Variants in NCOA2 observed in about 807,000 individuals in gnomAD.
The protein encoded by NCOA2 is nuclear receptor coactivator 2, also known as class E basic helix-loop-helix protein 75.
NCOA2 carries 21 observed loss-of-function variants against 145.1 expected under a neutral mutation model. The ratio of observed to expected loss-of-function variants is 0.14; its 90% CI spans 0.10 to 0.21. The LOEUF is 0.21. NCOA2 is among the 10% of genes least tolerant of loss of function. NCOA2 has a pLI of 1.00. For missense variants in NCOA2, 1,472 were observed against 1,837.6 expected, an observed-to-expected ratio of 0.80 and a Z score of 3.64; for synonymous variants, 619 against 637.5, an observed-to-expected ratio of 0.97 and a Z score of 0.44.
the NCOA2 span, among the ~76,000 whole-genome samples, chr8:70,410,792 AAGT>A: frequency 2.6e-5 from 4 of 152,212 alleles, no homozygotes; most frequent in Non-Finnish European, 4.4e-5. Context: ...TGCTAAGCAA[AAGT>A]AGTCGTACGG....
At chr8:70,424,733 T>C in the NCOA2 span, among the ~76,000 whole-genome samples, 1 of 152,228 alleles carries the variant, frequency 6.6e-6, no homozygotes, top group Non-Finnish European at 1.5e-5. Flanking sequence ...CCACAGACAA[T>C]GTGAAACAAT....
chr8:70,156,874 A>G lies in NCOA2; in HGVS notation c.1491T>C (p.Ala497=). ...SPRHRMSPGV[A]GSPRIPPSQF... ...GACTGGGTGGGATTCGAGGGCTGCC[A>G]GCCACTCCAGGGCTCATGCGATGCC... The change falls in exon 11 of 23, where the codon GCT becomes GCC. Residue 497 remains alanine, a synonymous_variant. Coordinates refer to ENST00000452400, the MANE Select transcript of NCOA2 (RefSeq NM_006540.4). 1 of 1,614,016 alleles carries G rather than the reference A, an allele frequency of 6.2e-7. No individual in the cohort carries two copies. Among genetic ancestry groups the G allele is most frequent in the Non-Finnish European group, 8.5e-7 (1 of 1,179,886 alleles).
chr8:70,300,629 G>A (rs1237756580), intron 1 of NCOA2, among the ~76,000 whole-genome samples: 1 of 152,196 alleles, frequency 6.6e-6, no homozygotes, highest in Admixed American at 6.5e-5. Flanking sequence ...GAGAACTGAA[G>A]AAGATATGCT....
chr8:70,413,678 C>T, the NCOA2 span, among the ~76,000 whole-genome samples: 1 of 152,192 alleles, frequency 6.6e-6, no homozygotes, highest in East Asian at 1.9e-4. Flanking sequence ...ACTGAACACC[C>T]ACTCCAGCAA....
intron 1 of NCOA2, among the ~76,000 whole-genome samples, chr8:70,332,502 A>T (rs1563773326): frequency 6.6e-6 from 1 of 152,158 alleles, no homozygotes; most frequent in Non-Finnish European, 1.5e-5. Flanking sequence ...GTGGAAGTTG[A>T]TAGAAAAGTC....
chr8:70,205,550 G>T (rs1818344656), intron 4 of NCOA2, among the ~76,000 whole-genome samples: 1 of 151,984 alleles, frequency 6.6e-6, no homozygotes, highest in African/African-American at 2.4e-5. Flanking sequence ...GAATAGCTGT[G>T]ATACTCCATC....
In NCOA2 at chr8:70,163,181, T is replaced by C. The variant is rs557243701; in HGVS notation, c.832+284A>G. On this transcript the variant is annotated intron_variant, in intron 8 of 22. Transcript: ENST00000452400. ...CCTCCTGCCTCAGCCACCCAAAGTG[T>C]TGGGGTTACAGGTGTGAGCCACCGT... 3.3e-5 allele frequency among the ~76,000 whole-genome samples: 5 copies of C among 152,216 alleles called. No homozygotes were observed. The South Asian group carries it at 1.0e-3, about 32-fold the overall frequency.
At chr8:70,205,997 C>T (rs1056253608) in intron 4 of NCOA2, among the ~76,000 whole-genome samples, 3 of 152,186 alleles carry the variant, frequency 2.0e-5, no homozygotes, top group African/African-American at 7.2e-5. Context: ...TCACCTCCCC[C>T]ACCCTCTGAC....
chr8:70,333,880 T>TA (rs1325838942), intron 1 of NCOA2, among the ~76,000 whole-genome samples: 1 of 152,108 alleles, frequency 6.6e-6, no homozygotes, highest in Non-Finnish European at 1.5e-5. Context: ...GCAAATAAAA[T>TA]ATGCATCTTA....
At chr8:70,349,333 T>C (rs972776728) in intron 1 of NCOA2, among the ~76,000 whole-genome samples, 2 of 152,106 alleles carry the variant, frequency 1.3e-5, no homozygotes, top group Non-Finnish European at 2.9e-5. Flanking sequence ...TATATATGGG[T>C]AATATTCTAG....
chr8:70,296,546 A>T (rs1335068382), intron 2 of NCOA2, among the ~76,000 whole-genome samples, 198 bp downstream of exon 2: 1 of 152,238 alleles, frequency 6.6e-6, no homozygotes, highest in Non-Finnish European at 1.5e-5. Flanking sequence ...AACAGATATG[A>T]GCATTTTACC....
chr8:70,420,687 G>T, the NCOA2 span, among the ~76,000 whole-genome samples: 5 of 152,152 alleles, frequency 3.3e-5, no homozygotes, highest in African/African-American at 1.2e-4. Flanking sequence ...TTGCTCTGTC[G>T]CCAGGCTGGA....
intron 2 of NCOA2, among the ~76,000 whole-genome samples, chr8:70,228,668 A>G (rs1057309822): frequency 6.6e-6 from 1 of 152,208 alleles, no homozygotes; most frequent in Admixed American, 6.5e-5. Flanking sequence ...ATAAAGAACA[A>G]TTGTTTATAA....
At chr8:70,249,801 A>G (rs950119532) in intron 2 of NCOA2, among the ~76,000 whole-genome samples, 1 of 151,432 alleles carries the variant, frequency 6.6e-6, no homozygotes, top group Non-Finnish European at 1.5e-5. Flanking sequence ...TGCCTCAACT[A>G]AAAATATGAA....
intron 2 of NCOA2, among the ~76,000 whole-genome samples, chr8:70,230,169 C>T (rs752921529): frequency 1.3e-5 from 2 of 152,114 alleles, no homozygotes; most frequent in Admixed American, 6.6e-5. Context: ...GTCTAAATGA[C>T]GTTTCCAGCA....
intron 1 of NCOA2, among the ~76,000 whole-genome samples, chr8:70,327,797 GAGACAGAC>G (rs915504460): frequency 1.3e-5 from 2 of 152,156 alleles, no homozygotes; most frequent in Non-Finnish European, 2.9e-5. Flanking sequence ...GATAGATGGA[GAGACAGAC>G]AGACAGACAG....
chr8:70,232,993 A>G (rs1821273144), intron 2 of NCOA2, among the ~76,000 whole-genome samples: 1 of 152,044 alleles, frequency 6.6e-6, no homozygotes, highest in East Asian at 1.9e-4. Context: ...TTGGGAGGCC[A>G]AGGCGGGCAG....
intron 2 of NCOA2, among the ~76,000 whole-genome samples, chr8:70,250,658 C>T (rs1054439635): frequency 3.3e-5 from 5 of 152,058 alleles, no homozygotes; most frequent in African/African-American, 1.2e-4. Context: ...TTCTATAATA[C>T]AAATGTTAAA....
intron 2 of NCOA2, among the ~76,000 whole-genome samples, chr8:70,224,906 CT>C (rs1197649436): frequency 2.0e-5 from 3 of 151,986 alleles, no homozygotes; most frequent in Non-Finnish European, 2.9e-5. Flanking sequence ...GAGTGCCCCA[CT>C]CCCTGCCCCG....
Sources: gnomAD v4.1 joint callset for allele counts (sites outside exome capture counted in the v4.1 genomes callset) on GRCh38, gnomAD v4.1.1 for gene constraint, MANE v1.5 for transcripts, NCBI Gene and HGNC (gene_info 2026-07-23, HGNC 2026-07-21) for gene names.